LRRC20: variants seen among roughly 807,000 people sequenced by gnomAD.
The protein encoded by LRRC20 is leucine rich repeat containing 20.
LRRC20 carries 11 observed loss-of-function variants against 14.4 expected under a neutral mutation model. That is an observed-to-expected ratio of 0.77 (90% CI 0.48 to 1.27). The LOEUF (loss-of-function observed/expected upper bound fraction) is 1.27, where lower values mean the gene tolerates loss of function less well. LRRC20 is among the 50% of genes most tolerant of loss of function. The pLI, the probability that LRRC20 is intolerant of heterozygous loss-of-function variation, is 0.00. For synonymous variants in LRRC20, 121 were observed against 107.3 expected (o/e 1.13, Z -0.79); for missense variants, 219 against 251.2 (o/e 0.87, Z 0.87).
rs369065780 is a variant in LRRC20, at chr10:70,323,886, T to C, written c.377A>G (p.Asn126Ser). 3 of 1,613,892 alleles carry C rather than the reference T, an allele frequency of 1.9e-6. No homozygotes were observed. The highest frequency in any genetic ancestry group is 2.2e-5 in the East Asian group (1 of 44,866). Residue 126 changes from asparagine (N) to serine (S), a missense_variant, in exon 4 of 5, where the codon AAC becomes AGC. Asn to Ser is a conservative substitution (Grantham distance 46). Coordinates refer to ENST00000446961, the MANE Select transcript of LRRC20 (RefSeq NM_001278212.2). The stretch of plus-strand genomic sequence containing the variant: ...ACCTACGATCTCGTTCTCCTCCAGG[T>C]TGATGGTCTCCAGCGCCGGCAGGGC... Reference protein sequence around the residue: ...LTALPALETINLEENEIVDVP... With the variant: ...LTALPALETISLEENEIVDVP...
rs57284629 is a variant in LRRC20, at chr10:70,304,470, T to TTATATATATATATATATATATA, written c.401-2984_401-2963dup. On this transcript the variant is annotated intron_variant, in intron 4 of 4. Transcript: ENST00000446961. ...GCTATATAGATATCAGGCCACTTCTTTATATATATATATATATATATATAT... is the reference window on the plus strand; with the variant it reads ...GCTATATAGATATCAGGCCACTTCTTTATATATATATATATATATATATATATATATATATATATATATATAT... 4.7e-3 allele frequency among the ~76,000 whole-genome samples: 536 copies of TTATATATATATATATATATATA among 113,578 alleles called. 5 individuals are homozygous for TTATATATATATATATATATATA. The highest frequency in any genetic ancestry group is 7.7e-3 in the Non-Finnish European group (398 of 51,944). 74.5% of individuals were successfully genotyped at this position (113,578 alleles called of 152,430 possible). A position where few individuals can be genotyped will look rare whatever the true frequency, so the allele number is the denominator to read the frequency against.
At chr10:70,310,260 T>C (rs1366122111) in intron 4 of LRRC20, among the ~76,000 whole-genome samples, 3 of 152,208 alleles carry the variant, frequency 2.0e-5, no homozygotes, top group Non-Finnish European at 4.4e-5. Flanking sequence ...GGGAGATAGC[T>C]GGAGGCTGCA....
intron 3 of LRRC20, among the ~76,000 whole-genome samples, chr10:70,325,699 C>T (rs1252332818): frequency 6.6e-6 from 1 of 152,160 alleles, no homozygotes; most frequent in Admixed American, 6.5e-5. Context: ...GCAGTCAGTC[C>T]AGCATCTGGT....
Position 70,300,906 on chromosome 10 carries a change from C to A in LRRC20, c.*448G>T. 12 of 989,762 alleles carry A rather than the reference C, an allele frequency of 1.2e-5. No individual in the cohort carries two copies. The highest frequency in any genetic ancestry group is 1.4e-5 in the Non-Finnish European group (12 of 833,038). 61.3% of individuals were successfully genotyped at this position (989,762 alleles called of 1,614,324 possible). ...TGGAGGTTGTCTTCTCTTCTCAGGG[C>A]AGCAACTGGCTCTCAGCACTAAAAA... On this transcript the variant is annotated 3_prime_UTR_variant, in exon 5 of 5. Coordinates refer to ENST00000446961, the MANE Select transcript of LRRC20 (RefSeq NM_001278212.2).
rs1288540639 is a variant in LRRC20 at position 70,299,044 on chromosome 10, G to A, written c.*2310C>T. On this transcript the variant is annotated 3_prime_UTR_variant, in exon 5 of 5. Coordinates refer to ENST00000446961, the MANE Select transcript of LRRC20 (RefSeq NM_001278212.2). The stretch of plus-strand genomic sequence containing the variant: ...ACTCACTGTGAGCTCTGATTTGGGG[G>A]CATCTGTGGCTGCCCACACTTTCCA... 1.3e-5 allele frequency: 2 copies of A among 152,576 alleles called. No homozygotes were observed. The highest frequency in any genetic ancestry group is 4.8e-5 in the African/African-American group (2 of 41,414). The allele number at this position is 152,576 out of a possible 1,614,324, so 9.5% of individuals were successfully genotyped here.
In LRRC20 at chr10:70,376,612, TGC is replaced by T; in HGVS notation, c.-63-18_-63-17del. On this transcript the variant is annotated splice_polypyrimidine_tract_variant and intron_variant, in intron 1 of 4. Transcript: ENST00000446961. ...GGGCCTGAGCCTGGGGAAGACGCAGTGCCATGAAGTGCCCGCCTGCCAGCCAG... is the reference window on the plus strand; with the variant it reads ...GGGCCTGAGCCTGGGGAAGACGCAGTCATGAAGTGCCCGCCTGCCAGCCAG... The T allele has an allele frequency of 7.5e-7, 1 of 1,339,828 alleles. No individual in the cohort carries two copies. The highest frequency in any genetic ancestry group is 1.1e-6 in the Non-Finnish European group (1 of 946,646). 83.0% of individuals were successfully genotyped at this position (1,339,828 alleles called of 1,614,324 possible). A position where few individuals can be genotyped will look rare whatever the true frequency, so the allele number is the denominator to read the frequency against.
At chr10:70,335,496 T>C (rs1325233151) in intron 3 of LRRC20, among the ~76,000 whole-genome samples, 1 of 152,222 alleles carries the variant, frequency 6.6e-6, no homozygotes, top group Non-Finnish European at 1.5e-5. Flanking sequence ...CCCAGGCTCT[T>C]GAGATGAGGG....
intron 4 of LRRC20, among the ~76,000 whole-genome samples, chr10:70,321,874 CT>C (rs11367375): frequency 0.46 from 70,500 of 152,138 alleles, 16,880 homozygotes; most frequent in South Asian, 0.55. Flanking sequence ...CATGACCATT[CT>C]TGGTAAGAAG....
At chr10:70,362,747 A>G (rs903334145) in intron 2 of LRRC20, among the ~76,000 whole-genome samples, 1 of 152,196 alleles carries the variant, frequency 6.6e-6, no homozygotes, top group African/African-American at 2.4e-5. Context: ...TTTTGCCCCC[A>G]GGGGACATTT....
chr10:70,308,148 G>C (rs542278661), intron 4 of LRRC20, among the ~76,000 whole-genome samples: 71 of 152,310 alleles, frequency 4.7e-4, no homozygotes, highest in African/African-American at 1.6e-3. Context: ...CAAAGCCCCA[G>C]ATTTGGCCTC....
chr10:70,355,535 G>A (rs1843486528), intron 2 of LRRC20, among the ~76,000 whole-genome samples: 1 of 152,190 alleles, frequency 6.6e-6, no homozygotes, highest in Admixed American at 6.5e-5. Flanking sequence ...GGGCAGAAAG[G>A]CACTTCGGGA....
intron 3 of LRRC20, among the ~76,000 whole-genome samples, chr10:70,327,953 C>A (rs539441829): frequency 6.6e-6 from 1 of 152,318 alleles, no homozygotes; most frequent in Admixed American, 6.5e-5. Context: ...ACGCCTAATC[C>A]CTTCAATACC....
intron 2 of LRRC20, among the ~76,000 whole-genome samples, chr10:70,358,998 G>C (rs1392551970): frequency 6.6e-6 from 1 of 152,176 alleles, no homozygotes; most frequent in African/African-American, 2.4e-5. Flanking sequence ...CGCTTTTAGG[G>C]AATGAAGAAA....
At chr10:70,308,245 C>T (rs915090634) in intron 4 of LRRC20, among the ~76,000 whole-genome samples, 1 of 152,136 alleles carries the variant, frequency 6.6e-6, no homozygotes, top group African/African-American at 2.4e-5. Flanking sequence ...GGCAGAGAGA[C>T]CACAGGAGGT....
chr10:70,359,889 C>T (rs1843657502), intron 2 of LRRC20, among the ~76,000 whole-genome samples: 1 of 152,070 alleles, frequency 6.6e-6, no homozygotes, highest in South Asian at 2.1e-4. Flanking sequence ...CCTTGAACCC[C>T]CGTTGTTCCA....
intron 2 of LRRC20, among the ~76,000 whole-genome samples, chr10:70,352,108 T>C (rs1358539261): frequency 1.7e-5 from 2 of 115,046 alleles, no homozygotes; most frequent in Non-Finnish European, 3.7e-5. Context: ...ACTGGATGCA[T>C]GTGGAAAGAC....
chr10:70,363,513 T>C (rs1221970857), intron 2 of LRRC20, among the ~76,000 whole-genome samples: 2 of 152,188 alleles, frequency 1.3e-5, no homozygotes, highest in Non-Finnish European at 2.9e-5. Flanking sequence ...CTGCTGTTCA[T>C]ATTTTGCTAT....
intron 2 of LRRC20, among the ~76,000 whole-genome samples, chr10:70,369,857 A>G (rs1348458265): frequency 1.9e-5 from 2 of 107,514 alleles, no homozygotes; most frequent in East Asian, 2.6e-4. Context: ...AAACAGGTGG[A>G]TCACTTGAGG....
chr10:70,304,353 G>A (rs937625298), intron 4 of LRRC20, among the ~76,000 whole-genome samples: 2 of 151,694 alleles, frequency 1.3e-5, no homozygotes, highest in African/African-American at 4.8e-5. Flanking sequence ...CCACGGTTGG[G>A]GGCTTTTTGT....
Sources: gnomAD v4.1 joint callset for allele counts (sites outside exome capture counted in the v4.1 genomes callset) on GRCh38, gnomAD v4.1.1 for gene constraint, MANE v1.5 for transcripts, NCBI Gene and HGNC (gene_info 2026-07-23, HGNC 2026-07-21) for gene names.